The following CARM1 variants were observed in gnomAD, a reference collection of about 807,000 sequenced individuals.
CARM1 encodes the protein histone-arginine methyltransferase CARM1.
A neutral mutation model predicts 72.7 loss-of-function variants in CARM1; 14 were observed. The observed-to-expected ratio is 0.19, with a 90% CI of 0.13 to 0.30. The LOEUF (loss-of-function observed/expected upper bound fraction) is 0.30. Ranked by LOEUF, CARM1 falls within the 10% of genes least tolerant of loss-of-function variation. The pLI is 1.00. For synonymous variants in CARM1, 333 were observed against 345.5 expected, an observed-to-expected ratio of 0.96 and a Z score of 0.40; for missense variants, 432 against 833.7, an observed-to-expected ratio of 0.52 and a Z score of 5.93.
rs779292725 is a variant in CARM1 at position 10,912,179 on chromosome 19, C to T, written c.559-5C>T. 6.2e-7 allele frequency: 1 copy of T among 1,612,580 alleles called. No individual in the cohort carries two copies. Among genetic ancestry groups the T allele is most frequent in the South Asian group, 1.1e-5 (1 of 91,056 alleles). On this transcript the variant is annotated splice_polypyrimidine_tract_variant and splice_region_variant and intron_variant, in intron 4 of 15. Coordinates refer to ENST00000327064, the MANE Select transcript of CARM1 (RefSeq NM_199141.2). The surrounding 1 kb of genome is among the most constrained non-coding windows in gnomAD (Gnocchi z 4.5). ...TCTCGCTCTCACCTCCCACTCCTCC[C>T]TCAGATCGTTCTTGATGTTGGCTGT...
At chr19:10,899,311 C>T (rs1035367263) in intron 1 of CARM1, among the ~76,000 whole-genome samples, 3 of 152,200 alleles carry the variant, frequency 2.0e-5, no homozygotes, top group Non-Finnish European at 2.9e-5. Context: ...CAGGCAACAT[C>T]GGGTTGCCAG....
intron 6 of CARM1, among the ~76,000 whole-genome samples, chr19:10,914,471 G>T (rs1325672139): frequency 6.6e-6 from 1 of 152,222 alleles, no homozygotes; most frequent in South Asian, 2.1e-4. Context: ...GCGAGTGTAC[G>T]TGTGTGAGGA....
chr19:10,901,256 T>TACAG (rs1158750125), intron 1 of CARM1, among the ~76,000 whole-genome samples: 28 of 152,292 alleles, frequency 1.8e-4, no homozygotes, highest in Admixed American at 1.6e-3. Context: ...GTGCTGGGAT[T>TACAG]ACAGGCATGA....
intron 1 of CARM1, among the ~76,000 whole-genome samples, chr19:10,893,132 G>C (rs1212155650): frequency 6.6e-6 from 1 of 151,962 alleles, no homozygotes; most frequent in Non-Finnish European, 1.5e-5. Context: ...CTGCCTCCCA[G>C]GTTCAAGTGA....
At chr19:10,883,210 C>T (rs185839003) in intron 1 of CARM1, among the ~76,000 whole-genome samples, 6 of 152,248 alleles carry the variant, frequency 3.9e-5, no homozygotes, top group Admixed American at 3.9e-4. Context: ...CGAGGATTGG[C>T]CCACACCCAA....
At position 10,921,825 on chromosome 19, in the gene CARM1, C is replaced by T. The variant is rs564514650; in HGVS notation, c.*68C>T. 1.5e-4 allele frequency: 227 copies of T among 1,485,454 alleles called. 1 individual carries two copies. The African/African-American group carries it at 2.6e-3, about 17-fold the overall frequency. The allele number at this position is 1,485,454 out of a possible 1,614,324, so 92.0% of individuals were successfully genotyped here. A position where few individuals can be genotyped will look rare whatever the true frequency, so the allele number is the denominator to read the frequency against. ...GTCCCTGCCCGCCGCCCCCGCCGGG[C>T]GGCTTTCCCCCTTGTACTGGAGAAG... On this transcript the variant is annotated 3_prime_UTR_variant, in exon 16 of 16. Coordinates refer to ENST00000327064, the MANE Select transcript of CARM1 (RefSeq NM_199141.2).
Position 10,915,404 on chromosome 19 carries a change from G to A in CARM1, c.848-1003G>A, listed in dbSNP as rs191401553. On this transcript the variant is annotated intron_variant, in intron 6 of 15. Coordinates refer to ENST00000327064, the MANE Select transcript of CARM1 (RefSeq NM_199141.2). This position sits in a 1 kb window ranked among gnomAD's most constrained non-coding sequence, Gnocchi z 4.6. ...GCAGCCAGCTTGCAGGGAGGGGGGA[G>A]GCCAGGCCTGTGCAAGGAGGACTCC... 2.3e-3 allele frequency among the ~76,000 whole-genome samples: 357 copies of A among 152,174 alleles called. 1 individual carries two copies. The highest frequency in any genetic ancestry group is 7.1e-3 in the African/African-American group (296 of 41,532).
rs1229216384 is a variant in CARM1, at chr19:10,922,007, C to A, written c.*250C>A. 3 of 410,814 alleles carry A rather than the reference C, an allele frequency of 7.3e-6. No individual in the cohort carries two copies. The highest frequency in any genetic ancestry group is 1.3e-5 in the Non-Finnish European group (3 of 226,740). 25.4% of individuals were successfully genotyped at this position (410,814 alleles called of 1,614,324 possible). On this transcript the variant is annotated 3_prime_UTR_variant, in exon 16 of 16. Transcript: ENST00000327064. ...TCATGTTGTGGGAGCCCTCGTCCCCCCTCCTGCCCGCTCTACCCTGACCTG... is the reference window on the plus strand; with the variant it reads ...TCATGTTGTGGGAGCCCTCGTCCCCACTCCTGCCCGCTCTACCCTGACCTG...
At chr19:10,890,207 G>A (rs2073971331) in intron 1 of CARM1, among the ~76,000 whole-genome samples, 1 of 151,974 alleles carries the variant, frequency 6.6e-6, no homozygotes, top group Admixed American at 6.6e-5. Context: ...GGCAACATAG[G>A]GAGACCCTGT....
In CARM1 at chr19:10,884,096, A is replaced by C. The variant is rs935827074; in HGVS notation, c.220+12174A>C. On this transcript the variant is annotated intron_variant, in intron 1 of 15. Coordinates refer to ENST00000327064, the MANE Select transcript of CARM1 (RefSeq NM_199141.2). ...AGTGGCTCACACCTGTAATCCCAGC[A>C]CTTTGGGAGGCCGAGGTGGGCGGAT... Among the ~76,000 whole-genome samples the C allele has an allele frequency of 2.8e-5, 4 of 144,366 alleles. No homozygotes were observed. In the Admixed American group the frequency reaches 2.9e-4, roughly 10 times the overall value. The allele number at this position is 144,366 out of a possible 152,430, so 94.7% of individuals were successfully genotyped here.
At position 10,920,092 on chromosome 19, in the gene CARM1, C is replaced by T. The variant is rs1284052824; in HGVS notation, c.1196+126C>T. The T allele has an allele frequency of 2.7e-6, 2 of 754,218 alleles. No homozygotes were observed. Among genetic ancestry groups the T allele is most frequent in the Admixed American group, 2.1e-5 (1 of 48,062 alleles). The allele number at this position is 754,218 out of a possible 1,614,324, so 46.7% of individuals were successfully genotyped here. ...CATCCCTTCCAATGGGAGTGAGAGCCTGTCTCGGAGCAAGAGACTGTTGTG... is the reference window on the plus strand; with the variant it reads ...CATCCCTTCCAATGGGAGTGAGAGCTTGTCTCGGAGCAAGAGACTGTTGTG... On this transcript the variant is annotated intron_variant, in intron 10 of 15. Transcript: ENST00000327064. The surrounding 1 kb of genome is among the most constrained non-coding windows in gnomAD (Gnocchi z 5.3).
chr19:10,884,547 G>C (rs185429139), intron 1 of CARM1, among the ~76,000 whole-genome samples: 5 of 151,798 alleles, frequency 3.3e-5, no homozygotes, highest in African/African-American at 1.2e-4. Flanking sequence ...GGAGTCCCCA[G>C]TTGCCCCCCC....
In CARM1 at chr19:10,912,617, C is replaced by T. The variant is rs1283000376; in HGVS notation, c.669+323C>T. ...TGCTCTCCTTCCCCACCCCAGCTCC[C>T]ACCCCCAGCCCCATCATGAGAGAGG... On this transcript the variant is annotated intron_variant, in intron 5 of 15. Transcript: ENST00000327064. The surrounding 1 kb of genome is among the most constrained non-coding windows in gnomAD (Gnocchi z 4.5). 6.6e-6 allele frequency among the ~76,000 whole-genome samples: 1 copy of T among 152,058 alleles called. No individual in the cohort carries two copies. Among genetic ancestry groups the T allele is most frequent in the East Asian group, 1.9e-4 (1 of 5,186 alleles).
At chr19:10,897,645 A>G (rs527671067) in intron 1 of CARM1, among the ~76,000 whole-genome samples, 7 of 151,648 alleles carry the variant, frequency 4.6e-5, no homozygotes, top group Non-Finnish European at 1.0e-4. Flanking sequence ...CCCGTTGGAG[A>G]CTCCACCTGG....
At chr19:10,893,019 G>A (rs1232976914) in intron 1 of CARM1, among the ~76,000 whole-genome samples, 2 of 151,978 alleles carry the variant, frequency 1.3e-5, no homozygotes, top group African/African-American at 4.8e-5. Context: ...ACAGGCGTGA[G>A]CCAACACTCC....
rs1555723436 is a variant in CARM1, at chr19:10,871,607, G to GGCGGCGGCT, written c.-88_-87insTGCGGCGGC. ...TAGCGGCAGCGGCGGCGGCGGCGGC[G>GGCGGCGGCT]GCGGCGGCGGCGGCGGCGGCGGCGG... On this transcript the variant is annotated 5_prime_UTR_variant, in exon 1 of 16. Coordinates refer to ENST00000327064, the MANE Select transcript of CARM1 (RefSeq NM_199141.2). This position sits in a 1 kb window ranked among gnomAD's most constrained non-coding sequence, Gnocchi z 5.6. 374 of 118,052 alleles carry GGCGGCGGCT rather than the reference G, an allele frequency of 3.2e-3. 2 individuals carry two copies. Among genetic ancestry groups the GGCGGCGGCT allele is most frequent in the African/African-American group, 0.011 (344 of 32,316 alleles). The allele number at this position is 118,052 out of a possible 1,614,324, so 7.3% of individuals were successfully genotyped here.
chr19:10,921,163 C>T (rs2074242704), intron 14 of CARM1, 36 bp downstream of exon 14: 2 of 1,595,452 alleles, frequency 1.3e-6, no homozygotes, highest in Non-Finnish European at 1.7e-6. Flanking sequence ...AGCAGGGAGC[C>T]ATGCCCAGGA....
intron 1 of CARM1, among the ~76,000 whole-genome samples, chr19:10,897,880 C>T (rs913380355): frequency 6.6e-6 from 1 of 151,540 alleles, no homozygotes; most frequent in South Asian, 2.1e-4. Flanking sequence ...CTGAGGCAGG[C>T]GGATCACGAG....
At chr19:10,897,704 T>A (rs2074034105) in intron 1 of CARM1, among the ~76,000 whole-genome samples, 1 of 152,114 alleles carries the variant, frequency 6.6e-6, no homozygotes, top group African/African-American at 2.4e-5. Context: ...ATGCTAGCTC[T>A]GGGCCGGGCA....
Sources: gnomAD v4.1 joint callset for allele counts (sites outside exome capture counted in the v4.1 genomes callset) on GRCh38, gnomAD v4.1.1 for gene constraint, Gnocchi (gnomAD v3.1) non-coding constraint, MANE v1.5 for transcripts, NCBI Gene and HGNC (gene_info 2026-07-23, HGNC 2026-07-21) for gene names.